The following PCDHA6 variants were observed in gnomAD, a reference collection of about 807,000 sequenced individuals.
The protein encoded by PCDHA6 is protocadherin alpha 6.
Under a neutral mutation model 60.3 loss-of-function variants are expected in PCDHA6, and 55 were observed. The observed-to-expected ratio is 0.91, with a 90% CI of 0.73 to 1.14. PCDHA6 has a LOEUF of 1.14. PCDHA6 is among the 50% of genes most tolerant of loss of function. The probability of loss-of-function intolerance (pLI) is 0.00; values close to 1 mark genes in which losing one functional copy is unlikely to be tolerated. For missense variants in PCDHA6, 1,327 were observed against 1,256.5 expected (o/e 1.06, Z -0.85); for synonymous variants, 652 against 557.9 (o/e 1.17, Z -2.38).
chr5:140,955,156 G>A (rs556311036), intron 1 of PCDHA6, among the ~76,000 whole-genome samples: 25 of 152,262 alleles, frequency 1.6e-4, no homozygotes, highest in East Asian at 3.9e-4. Context: ...TACCAGTACC[G>A]TGCTGTTTTG....
intron 1 of PCDHA6, among the ~76,000 whole-genome samples, chr5:140,878,960 A>G (rs1028687741): frequency 6.6e-6 from 1 of 152,322 alleles, no homozygotes; most frequent in African/African-American, 2.4e-5. Context: ...GAAATGTATT[A>G]CCTGGACATT....
At chr5:140,885,738 C>T (rs1160742683) in intron 1 of PCDHA6, among the ~76,000 whole-genome samples, 5 of 151,978 alleles carry the variant, frequency 3.3e-5, no homozygotes, top group African/African-American at 1.2e-4. Flanking sequence ...TGATATTTCA[C>T]TGTTACTTTA....
chr5:140,846,989 C>T (rs1449097023), intron 1 of PCDHA6, among the ~76,000 whole-genome samples: 1 of 149,196 alleles, frequency 6.7e-6, no homozygotes, highest in Non-Finnish European at 1.5e-5. Flanking sequence ...AAGTTCCCCC[C>T]GGGAGAATAT....
At chr5:140,911,785 T>C (rs1334155529) in intron 1 of PCDHA6, among the ~76,000 whole-genome samples, 1 of 152,180 alleles carries the variant, frequency 6.6e-6, no homozygotes, top group Non-Finnish European at 1.5e-5. Context: ...CTTAGCATTT[T>C]TGGGTCTAAT....
intron 1 of PCDHA6, among the ~76,000 whole-genome samples, chr5:140,941,263 T>TTC (rs2092992439): frequency 7.5e-6 from 1 of 133,334 alleles, no homozygotes; most frequent in Non-Finnish European, 1.6e-5. Flanking sequence ...TTCTCTTTCT[T>TTC]TCTTTCTTTC....
Position 140,979,003 on chromosome 5 carries a change from C to G in PCDHA6, c.2449C>G (p.His817Asp). ...RYSASLRAGM[H>D]SSVHLEEAGI... Reference sequence around the variant, plus strand: ...CTCTGCCTCCCTGAGAGCAGGCATGCACAGGTATGTATTTCCCTCCTCATT... The same window carrying G: ...CTCTGCCTCCCTGAGAGCAGGCATGGACAGGTATGTATTTCCCTCCTCATT... The change falls in exon 2 of 4, where the codon CAC becomes GAC. Residue 817 changes from histidine (H) to aspartate (D), a missense_variant. By Grantham distance (81) the His-to-Asp change is moderately conservative. Transcript: ENST00000529310. 1.2e-6 allele frequency: 2 copies of G among 1,614,144 alleles called. No homozygotes were observed. The highest frequency in any genetic ancestry group is 1.7e-6 in the Non-Finnish European group (2 of 1,180,022).
intron 1 of PCDHA6, chr5:140,967,964 G>T: frequency 6.2e-7 from 1 of 1,614,210 alleles, no homozygotes. Flanking sequence ...CAACCGGAAA[G>T]TGAGCCTGGG....
At position 140,882,738 on chromosome 5, in the gene PCDHA6, C is replaced by T. The variant is rs1005115100; in HGVS notation, c.2394+52253C>T. 8.1e-6 allele frequency: 13 copies of T among 1,614,118 alleles called. No individual in the cohort carries two copies. The highest frequency in any genetic ancestry group is 1.3e-5 in the African/African-American group (1 of 74,942). ...GAAACTCGATTTCCACTAGATGGCG[C>T]ATCCGATGCAGATATTGGAGTAAAC... On this transcript the variant is annotated intron_variant, in intron 1 of 3. Transcript: ENST00000529310.
chr5:141,001,693 G>A (rs1554258280), intron 3 of PCDHA6, among the ~76,000 whole-genome samples: 1 of 152,122 alleles, frequency 6.6e-6, no homozygotes, highest in Admixed American at 6.5e-5. Context: ...CCCACAGATG[G>A]CGAAATAGGG....
chr5:140,922,605 A>G (rs1328283001), intron 1 of PCDHA6, among the ~76,000 whole-genome samples: 2 of 152,258 alleles, frequency 1.3e-5, no homozygotes, highest in African/African-American at 4.8e-5. Flanking sequence ...AGTTGAAGAT[A>G]TATTAAAACT....
chr5:140,915,937 G>A (rs782632336), intron 1 of PCDHA6, among the ~76,000 whole-genome samples: 7 of 152,104 alleles, frequency 4.6e-5, no homozygotes, highest in African/African-American at 7.2e-5. Flanking sequence ...GTCAGGGATT[G>A]GAGTCAAAAT....
chr5:140,854,977 T>TAAA (rs1554147539), intron 1 of PCDHA6, among the ~76,000 whole-genome samples: 1 of 149,962 alleles, frequency 6.7e-6, no homozygotes, highest in Non-Finnish European at 1.5e-5. Flanking sequence ...GAATTATAAT[T>TAAA]AAGATTCTTT....
intron 1 of PCDHA6, chr5:140,854,705 T>A (rs1409807504): frequency 2.7e-5 from 4 of 150,008 alleles, no homozygotes; most frequent in Non-Finnish European, 4.5e-5. Context: ...TTTCCTTTCT[T>A]GGAAAGACAG....
chr5:140,939,034 A>T (rs1367274051), intron 1 of PCDHA6, among the ~76,000 whole-genome samples: 1 of 152,216 alleles, frequency 6.6e-6, no homozygotes, highest in Non-Finnish European at 1.5e-5. Context: ...TATTCGGAAG[A>T]GTTGTCTTAG....
intron 1 of PCDHA6, chr5:140,877,765 C>T (rs377126743): frequency 4.3e-6 from 7 of 1,614,176 alleles, no homozygotes; most frequent in Non-Finnish European, 5.1e-6. Context: ...AGAGAGCCCG[C>T]CCAAGACGGA....
chr5:140,930,423 A>G (rs1366004853), intron 1 of PCDHA6: 3 of 151,862 alleles, frequency 2.0e-5, no homozygotes, highest in African/African-American at 7.3e-5. Flanking sequence ...GGGTCTCACT[A>G]TGTTGCCCAG....
intron 1 of PCDHA6, chr5:140,968,548 G>T: frequency 6.2e-7 from 1 of 1,614,174 alleles, no homozygotes; most frequent in Non-Finnish European, 8.5e-7. Context: ...TCGAGATGGT[G>T]CCTCGAACTG....
chr5:140,980,487 G>C (rs2096891705), intron 2 of PCDHA6, among the ~76,000 whole-genome samples: 1 of 152,124 alleles, frequency 6.6e-6, no homozygotes, highest in African/African-American at 2.4e-5. Flanking sequence ...AAAATTAGCT[G>C]GGCGTGATGG....
rs2150263250 is a variant in PCDHA6 at position 140,836,539 on chromosome 5, C to A, written c.2394+6054C>A. On this transcript the variant is annotated intron_variant, in intron 1 of 3. Transcript: ENST00000529310. ...TTGGTGCTTACCCTGCTGCTGTACA[C>A]GGCGTTGCGGTGCTCAGCGCCGTCC... 8.1e-6 allele frequency: 13 copies of A among 1,613,680 alleles called. No individual in the cohort carries two copies. In the South Asian group the frequency reaches 1.1e-4, roughly 14 times the overall value.
Sources: gnomAD v4.1 joint callset for allele counts (sites outside exome capture counted in the v4.1 genomes callset) on GRCh38, gnomAD v4.1.1 for gene constraint, MANE v1.5 for transcripts, NCBI Gene and HGNC (gene_info 2026-07-23, HGNC 2026-07-21) for gene names.